SYT6: variants seen among roughly 807,000 people sequenced by gnomAD.
SYT6 encodes the protein synaptotagmin 6, also known as synaptotagmin-6.
In SYT6, 24 loss-of-function variants were observed where a neutral mutation model predicts 38.4. The observed-to-expected ratio is 0.62, with a 90% confidence interval of 0.45 to 0.88. SYT6 has a LOEUF of 0.88. SYT6 is among the 40% of genes least tolerant of loss of function. The pLI is 0.00. For missense variants in SYT6, 611 were observed against 621.0 expected (o/e 0.98, Z 0.17); for synonymous variants, 265 against 241.9 (o/e 1.10, Z -0.89).
intron 6 of SYT6, among the ~76,000 whole-genome samples, chr1:114,096,019 G>A (rs1291014246): frequency 2.0e-5 from 3 of 152,002 alleles, no homozygotes; most frequent in Non-Finnish European, 4.4e-5. Context: ...CTCATTCCAT[G>A]CCCTCCCCCT....
At chr1:114,107,836 T>C (rs1676421708) in intron 3 of SYT6, among the ~76,000 whole-genome samples, 1 of 152,198 alleles carries the variant, frequency 6.6e-6, no homozygotes, top group Non-Finnish European at 1.5e-5. Context: ...TTAGAGGTGT[T>C]TGAGACTTTG....
rs1299808976 is a variant in SYT6 at position 114,090,218 on chromosome 1, T to C, written c.*1916A>G. 5.3e-5 allele frequency: 8 copies of C among 152,344 alleles called. No individual in the cohort carries two copies. The highest frequency in any genetic ancestry group is 1.2e-4 in the Non-Finnish European group (8 of 68,042). 9.4% of individuals were successfully genotyped at this position (152,344 alleles called of 1,614,324 possible). On this transcript the variant is annotated 3_prime_UTR_variant, in exon 8 of 8. Transcript: ENST00000610222. ...GAAGTCTGTCACCTGCCAGGAATCT[T>C]GTCATGACCTTGGGTTTTTTCTCAC...
In SYT6 at chr1:114,097,944, G is replaced by C. The variant is rs374204964; in HGVS notation, c.1365-67C>G. On this transcript the variant is annotated intron_variant, in intron 5 of 7. Transcript: ENST00000610222. ...GCCCTCAGAAAAGGAGGTCCAGTGT[G>C]GGGGGTGGTAGGACTCTGCCCGATG... The C allele has an allele frequency of 1.3e-5, 20 of 1,581,492 alleles. No individual in the cohort carries two copies. In the East Asian group the frequency reaches 3.4e-4, roughly 27 times the overall value.
At chr1:114,105,417 C>T (rs1444401824) in intron 3 of SYT6, among the ~76,000 whole-genome samples, 2 of 149,246 alleles carry the variant, frequency 1.3e-5, no homozygotes, top group African/African-American at 2.5e-5. Context: ...TTTCCTAGCC[C>T]TAGATTTGTC....
intron 1 of SYT6, among the ~76,000 whole-genome samples, chr1:114,144,968 C>T (rs1479173897): frequency 6.6e-6 from 1 of 152,080 alleles, no homozygotes; most frequent in African/African-American, 2.4e-5. Context: ...ACCTGGCTCC[C>T]TGCACAGGGA....
chr1:114,150,206 T>C (rs1466541292), intron 1 of SYT6, among the ~76,000 whole-genome samples: 4 of 152,182 alleles, frequency 2.6e-5, no homozygotes, highest in African/African-American at 9.7e-5. Context: ...AACATGTCTT[T>C]TGTACAGAGC....
chr1:114,113,327 A>G (rs962289389), intron 3 of SYT6, among the ~76,000 whole-genome samples: 2 of 152,070 alleles, frequency 1.3e-5, no homozygotes, highest in Non-Finnish European at 2.9e-5. Context: ...CCCTGCCTCT[A>G]AACAGTGAAG....
intron 3 of SYT6, among the ~76,000 whole-genome samples, chr1:114,124,029 T>G (rs1241740271): frequency 1.3e-5 from 2 of 152,320 alleles, no homozygotes; most frequent in East Asian, 3.9e-4. Flanking sequence ...TCAGGAGACT[T>G]GCAGAACTGG....
chr1:114,135,693 G>T (rs1167004449), intron 3 of SYT6, among the ~76,000 whole-genome samples: 2 of 152,184 alleles, frequency 1.3e-5, no homozygotes, highest in Non-Finnish European at 2.9e-5. Context: ...CAGGCATGAG[G>T]CTTCCATTCA....
In SYT6 at chr1:114,089,355, AAACGAGTAATT is replaced by A. The variant is rs1173260013; in HGVS notation, c.*2768_*2778del. On this transcript the variant is annotated 3_prime_UTR_variant, in exon 8 of 8. Transcript: ENST00000610222. ...GGCTGTGACACGGGTGGGAAGACACAAACGAGTAATTAACAACATAATATTTTAAATGACAG... is the reference window on the plus strand; with the variant it reads ...GGCTGTGACACGGGTGGGAAGACACAAACAACATAATATTTTAAATGACAG... The A allele has an allele frequency of 3.9e-5, 6 of 152,776 alleles. No individual in the cohort carries two copies. Among genetic ancestry groups the A allele is most frequent in the African/African-American group, 1.4e-4 (6 of 41,460 alleles). The allele number at this position is 152,776 out of a possible 1,614,324, so 9.5% of individuals were successfully genotyped here.
chr1:114,106,707 C>T lies in SYT6; in HGVS notation c.1072-2986G>A, dbSNP rs532174912. 2.5e-3 allele frequency among the ~76,000 whole-genome samples: 384 copies of T among 152,154 alleles called. 3 individuals carry two copies. Among genetic ancestry groups the T allele is most frequent in the African/African-American group, 8.8e-3 (364 of 41,534 alleles). The stretch of plus-strand genomic sequence containing the variant: ...GGATACTCCTATACCTACATCATGC[C>T]CCCACACCACACCCCCATGGACCCT... On this transcript the variant is annotated intron_variant, in intron 3 of 7. Coordinates refer to ENST00000610222, the MANE Select transcript of SYT6 (RefSeq NM_001253772.2).
chr1:114,146,780 G>A (rs746417597), intron 1 of SYT6, among the ~76,000 whole-genome samples: 1 of 152,174 alleles, frequency 6.6e-6, no homozygotes, highest in Non-Finnish European at 1.5e-5. Flanking sequence ...CTCACTAACA[G>A]TCTACCTCTA....
At chr1:114,099,345 G>T in intron 4 of SYT6, 80 bp from the exon 5 acceptor site, 2 of 1,459,768 alleles carry the variant, frequency 1.4e-6, no homozygotes, top group Non-Finnish European at 1.9e-6. Context: ...CAAAGGGACC[G>T]AAGCCCTAGA....
chr1:114,140,786 T>C (rs1678823653), intron 1 of SYT6, among the ~76,000 whole-genome samples: 1 of 152,256 alleles, frequency 6.6e-6, no homozygotes, highest in African/African-American at 2.4e-5. Flanking sequence ...CAAGTCTTTC[T>C]GTGCCAGTTT....
intron 5 of SYT6, 43 bp from the exon 6 acceptor site, chr1:114,097,920 C>A: frequency 1.2e-6 from 2 of 1,606,824 alleles, no homozygotes; most frequent in South Asian, 1.1e-5. Flanking sequence ...ACCAGACATG[C>A]CCTCAGAAAA....
chr1:114,090,916 AAAC>A lies in SYT6; in HGVS notation c.*1215_*1217del, dbSNP rs1409352807. 1 of 152,906 alleles carries A rather than the reference AAAC, an allele frequency of 6.5e-6. No homozygotes were observed. The highest frequency in any genetic ancestry group is 1.5e-5 in the Non-Finnish European group (1 of 68,042). The allele number at this position is 152,906 out of a possible 1,614,324, so 9.5% of individuals were successfully genotyped here. A position where few individuals can be genotyped will look rare whatever the true frequency, so the allele number is the denominator to read the frequency against. The stretch of plus-strand genomic sequence containing the variant: ...AAGAAACCCTCACAACCACTGAAAC[AAAC>A]AACACTGAAGTACTTAGTAATTTAT... On this transcript the variant is annotated 3_prime_UTR_variant, in exon 8 of 8. Coordinates refer to ENST00000610222, the MANE Select transcript of SYT6 (RefSeq NM_001253772.2).
At chr1:114,104,280 A>C (rs1251315974) in intron 3 of SYT6, among the ~76,000 whole-genome samples, 1 of 152,080 alleles carries the variant, frequency 6.6e-6, no homozygotes, top group Non-Finnish European at 1.5e-5. Flanking sequence ...TTTCCATCCC[A>C]TCTGATGGCA....
chr1:114,128,915 C>A (rs1317764939), intron 3 of SYT6, among the ~76,000 whole-genome samples: 1 of 152,170 alleles, frequency 6.6e-6, no homozygotes. Context: ...CCTCTTGACA[C>A]CATTTATATG....
chr1:114,145,109 G>T (rs1025246274), intron 1 of SYT6, among the ~76,000 whole-genome samples: 3 of 152,106 alleles, frequency 2.0e-5, no homozygotes, highest in Non-Finnish European at 4.4e-5. Context: ...CTCCAATGGG[G>T]TGAAGCTCGG....
Sources: gnomAD v4.1 joint callset for allele counts (sites outside exome capture counted in the v4.1 genomes callset) on GRCh38, gnomAD v4.1.1 for gene constraint, MANE v1.5 for transcripts, NCBI Gene and HGNC (gene_info 2026-07-23, HGNC 2026-07-21) for gene names.